PHF21B: variants seen among roughly 807,000 people sequenced by gnomAD.
PHF21B encodes the protein PHD finger protein 4.
A neutral mutation model predicts 62.2 loss-of-function variants in PHF21B; 22 were observed. That is an observed-to-expected ratio of 0.35 (90% CI 0.25 to 0.51). PHF21B has a LOEUF of 0.51. Ranked by LOEUF, PHF21B falls within the 20% of genes least tolerant of loss-of-function variation. PHF21B has a pLI of 0.97. For missense variants in PHF21B, 701 were observed against 707.9 expected (o/e 0.99, Z 0.11); for synonymous variants, 341 against 314.7 (o/e 1.08, Z -0.88).
At chr22:44,986,114 C>T (rs2072943280) in intron 2 of PHF21B, among the ~76,000 whole-genome samples, 1 of 151,504 alleles carries the variant, frequency 6.6e-6, no homozygotes. Flanking sequence ...CCACCATCAC[C>T]ATGACAACCA....
intron 2 of PHF21B, among the ~76,000 whole-genome samples, chr22:44,976,311 T>C (rs779560718): frequency 4.6e-5 from 7 of 152,238 alleles, no homozygotes; most frequent in Non-Finnish European, 8.8e-5. Flanking sequence ...ATTATTTCTT[T>C]GTGGTGAGAA....
chr22:44,949,301 CAAAAAAAAGAAA>C (rs1321488145), intron 2 of PHF21B, among the ~76,000 whole-genome samples: 9 of 42,466 alleles, frequency 2.1e-4, no homozygotes, highest in Admixed American at 1.4e-3. Flanking sequence ...AACTCCATCT[CAAAAAAAAGAAA>C]AAAAAAAAAA....
intron 2 of PHF21B, among the ~76,000 whole-genome samples, chr22:44,930,749 G>A (rs940341585): frequency 3.9e-5 from 6 of 151,924 alleles, no homozygotes; most frequent in Non-Finnish European, 8.8e-5. Flanking sequence ...CACCAGAAGG[G>A]CTCTCACCTC....
chr22:44,905,568 G>A (rs2147281139), intron 5 of PHF21B, among the ~76,000 whole-genome samples: 1 of 152,282 alleles, frequency 6.6e-6, no homozygotes, highest in Middle Eastern at 3.4e-3. Context: ...GCCTTGGCAT[G>A]AGATCTCGCA....
chr22:44,996,252 A>G (rs1413827871), intron 2 of PHF21B, among the ~76,000 whole-genome samples: 3 of 152,072 alleles, frequency 2.0e-5, no homozygotes, highest in Non-Finnish European at 4.4e-5. Context: ...TCAGGTTGTA[A>G]TTACACAGCC....
At chr22:44,917,693 T>C (rs985334987) in intron 3 of PHF21B, among the ~76,000 whole-genome samples, 1 of 152,222 alleles carries the variant, frequency 6.6e-6, no homozygotes, top group Non-Finnish European at 1.5e-5. Context: ...TTAGGGCCTG[T>C]CTGGCATCGG....
rs370911252 is a variant in PHF21B at position 44,914,001 on chromosome 22, G to C, written c.652C>G (p.Pro218Ala). The C allele has an allele frequency of 1.4e-5, 21 of 1,550,186 alleles. No individual in the cohort carries two copies. Among genetic ancestry groups the C allele is most frequent in the Non-Finnish European group, 1.7e-5 (19 of 1,123,776 alleles). Residue 218 changes from proline (P) to alanine (A), a missense_variant, in exon 5 of 13, where the codon CCA becomes GCA. Pro to Ala is a conservative substitution (Grantham distance 27). Coordinates refer to ENST00000313237, the MANE Select transcript of PHF21B (RefSeq NM_138415.5). ...TGGAGGGGTGAAGGGGACAGTGATGGGGAGGGAGGGGTGAGGGGAAGAGAG... is the reference window on the plus strand; with the variant it reads ...TGGAGGGGTGAAGGGGACAGTGATGCGGAGGGAGGGGTGAGGGGAAGAGAG... ...PSSLPLTPPSPSLSPSPLHGI... is the reference protein window; with the variant it reads ...PSSLPLTPPSASLSPSPLHGI...
chr22:44,885,828 C>A (rs565498654), intron 11 of PHF21B, 35 bp downstream of exon 11: 19 of 1,597,984 alleles, frequency 1.2e-5, no homozygotes, highest in Non-Finnish European at 1.6e-5. Context: ...GGAGGGGGAG[C>A]AGGTACCCTT....
At chr22:44,984,162 C>CATA (rs2072899348) in intron 2 of PHF21B, among the ~76,000 whole-genome samples, 3 of 150,130 alleles carry the variant, frequency 2.0e-5, no homozygotes, top group African/African-American at 2.5e-5. Context: ...CCACCATCAC[C>CATA]ACCATCATCA....
At chr22:44,955,322 CAG>C (rs2072274060) in intron 2 of PHF21B, among the ~76,000 whole-genome samples, 1 of 152,216 alleles carries the variant, frequency 6.6e-6, no homozygotes, top group Admixed American at 6.5e-5. Context: ...CCTGTGCTCA[CAG>C]GGGTGTTGTG....
Position 44,882,919 on chromosome 22 carries a change from G to C in PHF21B, c.*167C>G. 1.9e-5 allele frequency: 16 copies of C among 826,972 alleles called. No individual in the cohort carries two copies. Among genetic ancestry groups the C allele is most frequent in the Non-Finnish European group, 2.8e-5 (15 of 544,678 alleles). The allele number at this position is 826,972 out of a possible 1,614,324, so 51.2% of individuals were successfully genotyped here. A position where few individuals can be genotyped will look rare whatever the true frequency, so the allele number is the denominator to read the frequency against. ...GGGCACAGGGCCGCACCCCCACCTG[G>C]TCCTGGCTCTAGGCCTCTCGCCCAG... On this transcript the variant is annotated 3_prime_UTR_variant, in exon 13 of 13. Coordinates refer to ENST00000313237, the MANE Select transcript of PHF21B (RefSeq NM_138415.5).
intron 2 of PHF21B, among the ~76,000 whole-genome samples, chr22:44,936,602 GAA>G (rs1371570238): frequency 1.3e-5 from 2 of 152,162 alleles, no homozygotes; most frequent in African/African-American, 4.8e-5. Flanking sequence ...GAAGACTCAT[GAA>G]AAGATATTAA....
intron 2 of PHF21B, among the ~76,000 whole-genome samples, chr22:44,987,765 CCTCTCTCTCT>C (rs67730231): frequency 6.8e-6 from 1 of 146,712 alleles, no homozygotes; most frequent in Non-Finnish European, 1.5e-5. Flanking sequence ...TCTCTCGTCT[CCTCTCTCTCT>C]CTCTCTCTCT....
At chr22:44,980,256 G>T (rs770381624) in intron 2 of PHF21B, among the ~76,000 whole-genome samples, 22 of 152,160 alleles carry the variant, frequency 1.4e-4, no homozygotes, top group Non-Finnish European at 1.6e-4. Flanking sequence ...CTGGCCCCCA[G>T]TGGAAGATCT....
At chr22:44,920,545 C>A in intron 2 of PHF21B, 55 bp from the exon 3 acceptor site, 1 of 1,419,916 alleles carries the variant, frequency 7.0e-7, no homozygotes, top group Admixed American at 2.0e-5. Context: ...AGACCGAATC[C>A]GTTGCCCCCA....
chr22:44,990,666 G>A (rs2073029013), intron 2 of PHF21B, among the ~76,000 whole-genome samples: 1 of 152,228 alleles, frequency 6.6e-6, no homozygotes, highest in South Asian at 2.1e-4. Context: ...GCTACCAGGA[G>A]CCTGGGGAGG....
At chr22:45,006,229 C>A (rs2073311589) in intron 2 of PHF21B, among the ~76,000 whole-genome samples, 1 of 152,170 alleles carries the variant, frequency 6.6e-6, no homozygotes, top group Non-Finnish European at 1.5e-5. Flanking sequence ...AATGGAAAAA[C>A]AACACCCTCG....
At chr22:44,928,871 G>A (rs2071685598) in intron 2 of PHF21B, among the ~76,000 whole-genome samples, 1 of 152,226 alleles carries the variant, frequency 6.6e-6, no homozygotes, top group African/African-American at 2.4e-5. Flanking sequence ...CCCTGGGGCT[G>A]CAGAGGCCCC....
chr22:45,003,747 C>T (rs775329386), intron 2 of PHF21B: 5 of 152,334 alleles, frequency 3.3e-5, no homozygotes, highest in South Asian at 2.1e-4. Context: ...ACAGGCCAAA[C>T]GTCCACTCGT....
Sources: gnomAD v4.1 joint callset for allele counts (sites outside exome capture counted in the v4.1 genomes callset) on GRCh38, gnomAD v4.1.1 for gene constraint, MANE v1.5 for transcripts, NCBI Gene and HGNC (gene_info 2026-07-23, HGNC 2026-07-21) for gene names.